The following ZNRF2 variants were observed in gnomAD, a reference collection of about 807,000 sequenced individuals.
ZNRF2 encodes the protein zinc and ring finger 2, also known as E3 ubiquitin-protein ligase ZNRF2.
A neutral mutation model predicts 20.4 loss-of-function variants in ZNRF2; 16 were observed. The ratio of observed to expected loss-of-function variants is 0.79; its 90% CI spans 0.53 to 1.19. ZNRF2 has a LOEUF of 1.19. Among genes scored for constraint, ZNRF2 ranks in the 50% most tolerant of loss-of-function variants. The probability of loss-of-function intolerance (pLI) is 0.00; values close to 1 mark genes in which losing one functional copy is unlikely to be tolerated. For synonymous variants in ZNRF2, 178 were observed against 144.9 expected (o/e 1.23, Z -1.64); for missense variants, 363 against 332.4 (o/e 1.09, Z -0.72).
intron 1 of ZNRF2, among the ~76,000 whole-genome samples, chr7:30,304,608 C>T (rs1799171304): frequency 6.6e-6 from 1 of 152,138 alleles, no homozygotes; most frequent in Non-Finnish European, 1.5e-5. Flanking sequence ...CTTCATTTTT[C>T]TGTGATAAAA....
intron 1 of ZNRF2, among the ~76,000 whole-genome samples, chr7:30,297,695 G>C (rs1017178222): frequency 6.6e-6 from 1 of 151,052 alleles, no homozygotes; most frequent in Non-Finnish European, 1.5e-5. Flanking sequence ...TCATTGTGCA[G>C]CATATTTGGT....
At chr7:30,347,115 TG>T (rs1799891068) in intron 2 of ZNRF2, among the ~76,000 whole-genome samples, 1 of 152,204 alleles carries the variant, frequency 6.6e-6, no homozygotes, top group Admixed American at 6.5e-5. Context: ...TTTTTTGGTG[TG>T]ATTCCCCCTC....
Position 30,347,576 on chromosome 7 carries a change from G to C in ZNRF2, c.566-8152G>C, listed in dbSNP as rs141058844. 4.9e-4 allele frequency among the ~76,000 whole-genome samples: 74 copies of C among 152,244 alleles called. 2 individuals carry two copies. The highest frequency in any genetic ancestry group is 1.7e-3 in the African/African-American group (72 of 41,532). ...CAATTAAAAAGAAAAAAAAATCCAT[G>C]GTGGTACATGCTTGTAGTCTCATCT... On this transcript the variant is annotated intron_variant, in intron 2 of 4. Coordinates refer to ENST00000323037, the MANE Select transcript of ZNRF2 (RefSeq NM_147128.4).
intron 2 of ZNRF2, among the ~76,000 whole-genome samples, chr7:30,348,350 T>C (rs1460942735): frequency 6.6e-6 from 1 of 152,166 alleles, no homozygotes; most frequent in Non-Finnish European, 1.5e-5. Flanking sequence ...GTTGCTTCAT[T>C]AGTTGTTCAA....
chr7:30,309,769 C>T (rs1408195230), intron 1 of ZNRF2, among the ~76,000 whole-genome samples: 1 of 152,014 alleles, frequency 6.6e-6, no homozygotes, highest in Non-Finnish European at 1.5e-5. Flanking sequence ...CAGTTAAATG[C>T]TAAATTTTGC....
chr7:30,299,593 C>T (rs912223643), intron 1 of ZNRF2, among the ~76,000 whole-genome samples: 1 of 152,064 alleles, frequency 6.6e-6, no homozygotes, highest in Non-Finnish European at 1.5e-5. Context: ...CACTTCCAGT[C>T]TTCCTTTGCT....
At chr7:30,326,095 T>A (rs1004745870) in intron 2 of ZNRF2, among the ~76,000 whole-genome samples, 6 of 152,204 alleles carry the variant, frequency 3.9e-5, no homozygotes, top group African/African-American at 1.4e-4. Context: ...TTTTGTGTAA[T>A]ATATCTAGAA....
At chr7:30,333,219 A>C (rs1448950830) in intron 2 of ZNRF2, among the ~76,000 whole-genome samples, 1 of 151,448 alleles carries the variant, frequency 6.6e-6, no homozygotes, top group African/African-American at 2.4e-5. Flanking sequence ...ACACTCGGCT[A>C]ATTTTTGTAG....
intron 1 of ZNRF2, among the ~76,000 whole-genome samples, chr7:30,289,233 A>C (rs374629032): frequency 8.1e-4 from 124 of 152,294 alleles, no homozygotes; most frequent in South Asian, 2.1e-3. Flanking sequence ...GCTACTTGTG[A>C]AACATGTTTT....
At chr7:30,352,738 C>T (rs1455675917) in intron 2 of ZNRF2, among the ~76,000 whole-genome samples, 2 of 151,974 alleles carry the variant, frequency 1.3e-5, no homozygotes, top group Admixed American at 6.6e-5. Context: ...CAAGATATTC[C>T]AGTTCTGAAG....
At chr7:30,307,140 G>T (rs1039472227) in intron 1 of ZNRF2, among the ~76,000 whole-genome samples, 4 of 151,580 alleles carry the variant, frequency 2.6e-5, no homozygotes, top group African/African-American at 7.3e-5. Flanking sequence ...GACTTCAGAC[G>T]GTCTCTGTGG....
rs867849211 is a variant in ZNRF2 at position 30,366,631 on chromosome 7, T to C, written c.*619T>C. On this transcript the variant is annotated 3_prime_UTR_variant, in exon 5 of 5. Transcript: ENST00000323037. The stretch of plus-strand genomic sequence containing the variant: ...CACGAGTGGAAAATAGACTTCTACA[T>C]AGGAAAGCTAAAATATGTTAATATT... 1 of 152,494 alleles carries C rather than the reference T, an allele frequency of 6.6e-6. No homozygotes were observed. The highest frequency in any genetic ancestry group is 2.4e-5 in the African/African-American group (1 of 41,442). 9.4% of individuals were successfully genotyped at this position (152,494 alleles called of 1,614,324 possible). A position where few individuals can be genotyped will look rare whatever the true frequency, so the allele number is the denominator to read the frequency against.
chr7:30,322,685 T>G (rs1799490915), intron 1 of ZNRF2, among the ~76,000 whole-genome samples: 1 of 152,142 alleles, frequency 6.6e-6, no homozygotes, highest in Non-Finnish European at 1.5e-5. Context: ...AAAAAATTGA[T>G]TGGCCTATGC....
chr7:30,329,042 T>C (rs1799594496), intron 2 of ZNRF2, among the ~76,000 whole-genome samples: 1 of 152,224 alleles, frequency 6.6e-6, no homozygotes. Context: ...ATGAATCTAA[T>C]ACAAATTTTA....
Position 30,285,229 on chromosome 7 carries a change from C to G in ZNRF2, c.-129C>G, listed in dbSNP as rs2128052818. ...TGCCCCTCTGGACGCCGGGCGGCGG[C>G]CCTGGACGTGCGGGGGCCTCTCTGG... On this transcript the variant is annotated 5_prime_UTR_variant, in exon 1 of 5. Transcript: ENST00000323037. The G allele has an allele frequency of 1.4e-6, 1 of 696,416 alleles. No homozygotes were observed. The highest frequency in any genetic ancestry group is 2.4e-5 in the South Asian group (1 of 42,356). 43.1% of individuals were successfully genotyped at this position (696,416 alleles called of 1,614,324 possible).
chr7:30,346,226 T>G (rs897700464), intron 2 of ZNRF2, among the ~76,000 whole-genome samples: 1 of 143,088 alleles, frequency 7.0e-6, no homozygotes, highest in Non-Finnish European at 1.5e-5. Flanking sequence ...GGCATTTTGC[T>G]CTTGTTGCCC....
chr7:30,318,407 T>C (rs941632685), intron 1 of ZNRF2, among the ~76,000 whole-genome samples: 1 of 152,198 alleles, frequency 6.6e-6, no homozygotes, highest in Admixed American at 6.5e-5. Context: ...AAAGTTGCAT[T>C]TAGATGACCT....
In ZNRF2 at chr7:30,295,639, G is replaced by A. The variant is rs189433902; in HGVS notation, c.469+9813G>A. On this transcript the variant is annotated intron_variant, in intron 1 of 4. Coordinates refer to ENST00000323037, the MANE Select transcript of ZNRF2 (RefSeq NM_147128.4). ...GCAGGAGGATCGCTTGAACCCAGGA[G>A]GCTGAAGTTGCAGTGAGCCAGGATT... Among the ~76,000 whole-genome samples the A allele has an allele frequency of 1.2e-3, 180 of 152,302 alleles. 1 individual carries two copies. Among genetic ancestry groups the A allele is most frequent in the Non-Finnish European group, 1.8e-3 (122 of 68,024 alleles).
intron 1 of ZNRF2, among the ~76,000 whole-genome samples, chr7:30,287,731 CT>C (rs1798817864): frequency 1.3e-5 from 2 of 151,662 alleles, no homozygotes; most frequent in South Asian, 4.1e-4. Context: ...TTCTGAGGAA[CT>C]TACAGCAGCC....
Sources: gnomAD v4.1 joint callset for allele counts (sites outside exome capture counted in the v4.1 genomes callset) on GRCh38, gnomAD v4.1.1 for gene constraint, MANE v1.5 for transcripts, NCBI Gene and HGNC (gene_info 2026-07-23, HGNC 2026-07-21) for gene names.